The following SERPINB6 variants were observed in gnomAD, a reference collection of about 807,000 sequenced individuals.
SERPINB6 encodes serpin family B member 6.
SERPINB6 carries 16 observed loss-of-function variants against 26.1 expected under a neutral mutation model. That is an observed-to-expected ratio of 0.61 (90% CI 0.42 to 0.93). SERPINB6 has a LOEUF of 0.93. SERPINB6 is among the 40% of genes least tolerant of loss of function. The probability of loss-of-function intolerance (pLI) is 0.00; values close to 1 mark genes in which losing one functional copy is unlikely to be tolerated. For missense variants in SERPINB6, 420 were observed against 478.0 expected (o/e 0.88, Z 1.13); for synonymous variants, 174 against 176.6 (o/e 0.99, Z 0.11).
chr6:2,961,218 ATT>A (rs1254905524), intron 1 of SERPINB6: 1 of 152,204 alleles, frequency 6.6e-6, no homozygotes, highest in Non-Finnish European at 1.5e-5. Context: ...TTGTTTAAAT[ATT>A]TTGTTTTCAA....
chr6:2,966,398 AC>A, intron 1 of SERPINB6: 1 of 986,930 alleles, frequency 1.0e-6, no homozygotes. Flanking sequence ...AAACACACTT[AC>A]TTTATATGCA....
chr6:2,970,849 A>G (rs1485133380), intron 1 of SERPINB6: 27 of 1,231,426 alleles, frequency 2.2e-5, no homozygotes, highest in South Asian at 4.1e-5. Context: ...ATTCAAACAC[A>G]GAGCGGTAAG....
intron 1 of SERPINB6, chr6:2,971,275 G>T: frequency 2.6e-6 from 2 of 774,728 alleles, no homozygotes; most frequent in Non-Finnish European, 3.1e-6. Context: ...CTCTGCCGCT[G>T]CGAGGCTCCG....
Position 2,969,669 on chromosome 6 carries a change from A to C in SERPINB6, c.-11+1864T>G, listed in dbSNP as rs182523147. On this transcript the variant is annotated intron_variant, in intron 1 of 6. Transcript: ENST00000380539. ...GAATTGTGCTTCTCAACTTCTATTA[A>C]GGATGCCTTTATTTCCTACTAAATT... The C allele has an allele frequency of 2.1e-3, 2,035 of 985,264 alleles. 1 individual carries two copies. Among genetic ancestry groups the C allele is most frequent in the Non-Finnish European group, 2.3e-3 (1,890 of 829,910 alleles). The allele number at this position is 985,264 out of a possible 1,614,324, so 61.0% of individuals were successfully genotyped here. A position where few individuals can be genotyped will look rare whatever the true frequency, so the allele number is the denominator to read the frequency against.
intron 1 of SERPINB6, 195 bp downstream of exon 1, chr6:2,971,337 CT>C: frequency 3.7e-6 from 1 of 272,744 alleles, no homozygotes; most frequent in Non-Finnish European, 5.6e-6. Context: ...GCTGGGACTG[CT>C]GGGGTCACAG....
At chr6:2,952,923 A>C in intron 5 of SERPINB6, 121 bp downstream of exon 5, 3 of 1,438,100 alleles carry the variant, frequency 2.1e-6, no homozygotes, top group Non-Finnish European at 2.9e-6. Context: ...GAGGCCACCC[A>C]ATGGATGTCA....
chr6:2,965,023 T>C (rs898924517), intron 1 of SERPINB6, among the ~76,000 whole-genome samples: 5 of 152,162 alleles, frequency 3.3e-5, no homozygotes, highest in Non-Finnish European at 7.3e-5. Flanking sequence ...CTTCCTAATC[T>C]AGAGGCCGAG....
At chr6:2,962,228 A>C in intron 1 of SERPINB6, 1 of 985,364 alleles carries the variant, frequency 1.0e-6, no homozygotes, top group Non-Finnish European at 1.2e-6. Flanking sequence ...TCTGGGGCAG[A>C]GGAGAAGTCG....
chr6:2,954,734 T>C (rs1770232584), intron 3 of SERPINB6, 25 bp from the exon 4 acceptor site: 1 of 1,538,514 alleles, frequency 6.5e-7, no homozygotes, highest in South Asian at 1.1e-5. Flanking sequence ...GTGACATAAC[T>C]GCCTGGCTAC....
intron 1 of SERPINB6, chr6:2,969,768 A>ATGTG (rs141424938): frequency 0.28 from 267,028 of 939,478 alleles, 14,306 homozygotes; most frequent in East Asian, 0.43. Flanking sequence ...TGCAGTGTGT[A>ATGTG]TGTGTGTGTG....
chr6:2,949,030 T>G lies in SERPINB6; in HGVS notation c.613A>C (p.Thr205Pro). The change falls in exon 6 of 7, where the codon ACT (threonine) becomes CCT (proline). Residue 205 changes from threonine (T) to proline (P), a missense_variant. Coordinates refer to ENST00000380539, the MANE Select transcript of SERPINB6 (RefSeq NM_004568.6). ...KPVQMMFKQS[T>P]FKKTYIGEIF... ...TCTCCTATATAGGTCTTCTTAAAAG[T>G]AGATTGCTTAAACATCATTTGCACA... The G allele has an allele frequency of 6.2e-7, 1 of 1,614,216 alleles. No individual in the cohort carries two copies. Among genetic ancestry groups the G allele is most frequent in the African/African-American group, 1.3e-5 (1 of 75,064 alleles).
Position 2,949,123 on chromosome 6 carries a change from G to A in SERPINB6, c.574-54C>T, listed in dbSNP as rs904620672. On this transcript the variant is annotated intron_variant, in intron 5 of 6. Coordinates refer to ENST00000380539, the MANE Select transcript of SERPINB6 (RefSeq NM_004568.6). ...TGAAACAAGACCCCACTGACACATG[G>A]GACAAATGTGTCGGAGCTGGCCACT... is the stretch of plus-strand genomic sequence containing the variant. 12 of 1,585,318 alleles carry A rather than the reference G, an allele frequency of 7.6e-6. No individual in the cohort carries two copies. The Admixed American group carries it at 1.4e-4, about 18-fold the overall frequency.
intron 4 of SERPINB6, among the ~76,000 whole-genome samples, chr6:2,954,137 GTTTAAA>G (rs1250690855): frequency 2.1e-5 from 3 of 145,582 alleles, no homozygotes; most frequent in Non-Finnish European, 3.0e-5. Context: ...AAAAAAAAAA[GTTTAAA>G]TTAAGAACCA....
chr6:2,971,112 G>C (rs1351243092), intron 1 of SERPINB6: 24 of 1,069,724 alleles, frequency 2.2e-5, no homozygotes, highest in Non-Finnish European at 2.6e-5. Flanking sequence ...GCCGACCGGG[G>C]TCACCTGTGG....
intron 5 of SERPINB6, among the ~76,000 whole-genome samples, chr6:2,951,201 C>T (rs1769748293): frequency 6.6e-6 from 1 of 152,078 alleles, no homozygotes; most frequent in African/African-American, 2.4e-5. Flanking sequence ...ACCTGACCAA[C>T]ATGGTGAAAC....
Position 2,949,026 on chromosome 6 carries a change from A to C in SERPINB6, c.617T>G (p.Phe206Cys). 6.2e-7 allele frequency: 1 copy of C among 1,614,232 alleles called. No individual in the cohort carries two copies. Among genetic ancestry groups the C allele is most frequent in the East Asian group, 2.2e-5 (1 of 44,894 alleles). ...TATTTCTCCTATATAGGTCTTCTTA[A>C]AAGTAGATTGCTTAAACATCATTTG... ...PVQMMFKQSTFKKTYIGEIFT... is the reference protein window; with the variant it reads ...PVQMMFKQSTCKKTYIGEIFT... Residue 206 changes from phenylalanine (F) to cysteine (C), a missense_variant, in exon 6 of 7, where the codon TTT becomes TGT. Coordinates refer to ENST00000380539, the MANE Select transcript of SERPINB6 (RefSeq NM_004568.6).
intron 2 of SERPINB6, among the ~76,000 whole-genome samples, chr6:2,958,928 T>C (rs1260682497): frequency 2.0e-5 from 3 of 152,150 alleles, no homozygotes; most frequent in South Asian, 4.2e-4. Context: ...AGCTAAGCCA[T>C]GTGATGATGA....
In SERPINB6 at chr6:2,948,938, C is replaced by A. The variant is rs111416638; in HGVS notation, c.705G>T (p.Pro235=). 5 of 1,614,082 alleles carry A rather than the reference C, an allele frequency of 3.1e-6. No homozygotes were observed. Among genetic ancestry groups the A allele is most frequent in the South Asian group, 1.1e-5 (1 of 91,088 alleles). The change falls in exon 6 of 7, where the codon CCG becomes CCT. Residue 235 remains proline, a synonymous_variant. Transcript: ENST00000380539. This position sits in a 1 kb window ranked among gnomAD's most constrained non-coding sequence, Gnocchi z 5.0. The part of the protein sequence containing the change: ...GKELNMIIML[P]DETTDLRTVE... ...CCGTTCTCAAGTCAGTGGTCTCGTC[C>A]GGAAGCATGATGATCATATTCAGTT...
chr6:2,958,939 AATC>A lies in SERPINB6; in HGVS notation c.165+226_165+228del, dbSNP rs533075608. Among the ~76,000 whole-genome samples, 797 of 152,198 alleles carry A rather than the reference AATC, an allele frequency of 5.2e-3. 1 individual carries two copies. Among genetic ancestry groups the A allele is most frequent in the Non-Finnish European group, 8.9e-3 (603 of 68,008 alleles). On this transcript the variant is annotated intron_variant, in intron 2 of 6. Coordinates refer to ENST00000380539, the MANE Select transcript of SERPINB6 (RefSeq NM_004568.6). ...AACAAGCTAAGCCATGTGATGATGA[AATC>A]ATTCATTCCTCTGAATCGGGCGCCC...
Sources: allele counts gnomAD v4.1 joint callset (sites outside exome capture counted in the v4.1 genomes callset), GRCh38; gene constraint gnomAD v4.1.1; non-coding constraint Gnocchi (gnomAD v3.1); transcripts MANE v1.5; gene names NCBI Gene and HGNC (gene_info 2026-07-23, HGNC 2026-07-21).